LRRC4C: variants seen among roughly 807,000 people sequenced by gnomAD.
LRRC4C encodes leucine-rich repeat-containing protein 4C.
Under a neutral mutation model 33.6 loss-of-function variants are expected in LRRC4C, and 5 were observed. The observed-to-expected ratio is 0.15, with a 90% CI of 0.08 to 0.31. The LOEUF is 0.31. LRRC4C is among the 10% of genes least tolerant of loss of function. The probability of loss-of-function intolerance (pLI) is 1.00; values close to 1 mark genes in which losing one functional copy is unlikely to be tolerated. For missense variants in LRRC4C, 560 were observed against 796.7 expected (o/e 0.70, Z 3.58); for synonymous variants, 329 against 302.0 (o/e 1.09, Z -0.93).
chr11:40,611,256 A>T (rs1375578654), intron 3 of LRRC4C, among the ~76,000 whole-genome samples: 1 of 151,318 alleles, frequency 6.6e-6, no homozygotes, highest in Non-Finnish European at 1.5e-5. Flanking sequence ...GAGTACCAAG[A>T]CTACACAATG....
Position 40,842,564 on chromosome 11 carries a change from T to C in LRRC4C, c.-407+91071A>G, listed in dbSNP as rs189366116. ...TATGGTGAGAACAGGTAAAATCTAC[T>C]CTTTTAGCAAGTTTCAAAACTATAA... On this transcript the variant is annotated intron_variant, in intron 2 of 6. Coordinates refer to ENST00000528697, the MANE Select transcript of LRRC4C (RefSeq NM_001258419.2). 1.8e-4 allele frequency among the ~76,000 whole-genome samples: 28 copies of C among 152,252 alleles called. 1 individual carries two copies. The East Asian group carries it at 5.4e-3, about 29-fold the overall frequency.
rs1963658236 is a variant in LRRC4C at position 40,633,371 on chromosome 11, T to TCTC, written c.-270+14770_-270+14771insGAG. Among the ~76,000 whole-genome samples, 91 of 96,310 alleles carry TCTC rather than the reference T, an allele frequency of 9.4e-4. 2 individuals are homozygous for TCTC. The highest frequency in any genetic ancestry group is 2.4e-3 in the South Asian group (6 of 2,458). The allele number at this position is 96,310 out of a possible 152,430, so 63.2% of individuals were successfully genotyped here. ...TTTCTTTCTTTCTTTCTTTCTTTCTTTCTCTCTCTTTCTTTCTTTCTTTCT... is the reference window on the plus strand; with the variant it reads ...TTTCTTTCTTTCTTTCTTTCTTTCTTCTCTCTCTCTCTTTCTTTCTTTCTTTCT... On this transcript the variant is annotated intron_variant, in intron 3 of 6. Transcript: ENST00000528697.
intron 2 of LRRC4C, among the ~76,000 whole-genome samples, chr11:40,796,656 T>A (rs1950842751): frequency 7.5e-6 from 1 of 134,170 alleles, no homozygotes; most frequent in African/African-American, 3.4e-5. Context: ...TTTTTTTTTT[T>A]TTTATTTTGA....
intron 1 of LRRC4C, among the ~76,000 whole-genome samples, chr11:40,947,334 C>T (rs576694635): frequency 1.1e-4 from 16 of 152,174 alleles, no homozygotes; most frequent in Middle Eastern, 3.4e-3. Flanking sequence ...TTAGGTTTTG[C>T]TGTTGTTGTG....
intron 1 of LRRC4C, among the ~76,000 whole-genome samples, chr11:41,086,593 T>A (rs1373868922): frequency 6.6e-6 from 1 of 152,146 alleles, no homozygotes; most frequent in Admixed American, 6.5e-5. Context: ...CAAATTATGA[T>A]AAGAATAGCT....
intron 2 of LRRC4C, among the ~76,000 whole-genome samples, chr11:40,736,439 G>C (rs886977318): frequency 1.3e-5 from 2 of 152,094 alleles, no homozygotes; most frequent in Non-Finnish European, 2.9e-5. Flanking sequence ...TTGGTTCCAA[G>C]TCTTTGCTAT....
At chr11:41,271,863 T>G (rs1591120758) in intron 1 of LRRC4C, among the ~76,000 whole-genome samples, 1 of 152,282 alleles carries the variant, frequency 6.6e-6, no homozygotes, top group East Asian at 1.9e-4. Flanking sequence ...AAGGAATGAA[T>G]GCTAATTGTT....
chr11:41,300,191 A>G (rs1427873262), intron 1 of LRRC4C, among the ~76,000 whole-genome samples: 4 of 152,196 alleles, frequency 2.6e-5, no homozygotes. Flanking sequence ...ACTAACACTT[A>G]GCAGTTTTAA....
chr11:40,931,026 G>T (rs976972360), intron 2 of LRRC4C, among the ~76,000 whole-genome samples: 1 of 152,146 alleles, frequency 6.6e-6, no homozygotes, highest in Middle Eastern at 3.2e-3. Flanking sequence ...ACTTTAATCT[G>T]TGGGTTTTAG....
At chr11:40,926,807 T>G (rs1957423882) in intron 2 of LRRC4C, among the ~76,000 whole-genome samples, 1 of 152,178 alleles carries the variant, frequency 6.6e-6, no homozygotes, top group Non-Finnish European at 1.5e-5. Flanking sequence ...CACATATACT[T>G]ATTTAACAAG....
At chr11:40,354,783 A>G (rs1400888104) in intron 3 of LRRC4C, among the ~76,000 whole-genome samples, 1 of 152,082 alleles carries the variant, frequency 6.6e-6, no homozygotes, top group Non-Finnish European at 1.5e-5. Flanking sequence ...CTCAGGAGCC[A>G]AGGTCTGAAC....
chr11:40,670,428 G>C (rs1163334667), intron 2 of LRRC4C, among the ~76,000 whole-genome samples: 1 of 152,182 alleles, frequency 6.6e-6, no homozygotes, highest in Admixed American at 6.5e-5. Flanking sequence ...TGTTTCTAAA[G>C]AGAAGCATGT....
chr11:41,237,785 A>AT (rs757357167), intron 1 of LRRC4C, among the ~76,000 whole-genome samples: 85 of 151,870 alleles, frequency 5.6e-4, no homozygotes, highest in Non-Finnish European at 1.1e-3. Context: ...AGAGCTTTCA[A>AT]TTTTTTTTCA....
At chr11:41,443,978 C>T (rs1414138805) in intron 1 of LRRC4C, among the ~76,000 whole-genome samples, 1 of 151,960 alleles carries the variant, frequency 6.6e-6, no homozygotes, top group Non-Finnish European at 1.5e-5. Flanking sequence ...GTATTTTGGG[C>T]ACATGTGGCA....
chr11:40,197,102 C>T (rs1273596584), intron 5 of LRRC4C, among the ~76,000 whole-genome samples: 1 of 152,158 alleles, frequency 6.6e-6, no homozygotes, highest in East Asian at 1.9e-4. Context: ...CTTTTATAAT[C>T]TATTAGCTTC....
chr11:41,182,105 C>A (rs1476563712), intron 1 of LRRC4C, among the ~76,000 whole-genome samples: 1 of 152,056 alleles, frequency 6.6e-6, no homozygotes, highest in African/African-American at 2.4e-5. Context: ...ATTTAATGGT[C>A]ATGTTGGAAA....
chr11:40,309,628 C>T (rs1218199199), intron 4 of LRRC4C, among the ~76,000 whole-genome samples: 1 of 152,006 alleles, frequency 6.6e-6, no homozygotes, highest in East Asian at 1.9e-4. Flanking sequence ...ACCTCAACCT[C>T]CCAAGTAGCA....
At chr11:41,082,298 C>T (rs1453993729) in intron 1 of LRRC4C, among the ~76,000 whole-genome samples, 7 of 152,072 alleles carry the variant, frequency 4.6e-5, no homozygotes, top group African/African-American at 1.4e-4. Context: ...CTTGTAAATA[C>T]GCAGTTGCAA....
At chr11:40,187,116 A>G (rs1861464308) in intron 5 of LRRC4C, among the ~76,000 whole-genome samples, 1 of 152,182 alleles carries the variant, frequency 6.6e-6, no homozygotes, top group African/African-American at 2.4e-5. Flanking sequence ...AAAATAAAAT[A>G]GAATAAATTT....
Sources: allele counts gnomAD v4.1 joint callset (sites outside exome capture counted in the v4.1 genomes callset), GRCh38; gene constraint gnomAD v4.1.1; transcripts MANE v1.5; gene names NCBI Gene and HGNC (gene_info 2026-07-23, HGNC 2026-07-21).